The following PLCZ1 variants were observed in gnomAD, a reference collection of about 807,000 sequenced individuals.
PLCZ1 encodes the protein phospholipase C zeta 1.
A neutral mutation model predicts 76.8 loss-of-function variants in PLCZ1; 64 were observed. The ratio of observed to expected loss-of-function variants is 0.83; its 90% CI spans 0.68 to 1.03. The LOEUF (loss-of-function observed/expected upper bound fraction) is 1.03, where lower values mean the gene tolerates loss of function less well. Among genes scored for constraint, PLCZ1 ranks in the 50% least tolerant of loss-of-function variants. PLCZ1 has a pLI of 0.00. For synonymous variants in PLCZ1, 248 were observed against 230.8 expected, an observed-to-expected ratio of 1.07 and a Z score of -0.68; for missense variants, 751 against 713.7, an observed-to-expected ratio of 1.05 and a Z score of -0.60.
chr12:18,664,422 G>T, the PLCZ1 span, among the ~76,000 whole-genome samples: 1 of 152,160 alleles, frequency 6.6e-6, no homozygotes, highest in Non-Finnish European at 1.5e-5. Flanking sequence ...ACATACTGTG[G>T]AATATTGTTC....
chr12:18,654,553 C>T, the PLCZ1 span, among the ~76,000 whole-genome samples: 1 of 152,142 alleles, frequency 6.6e-6, no homozygotes, highest in Non-Finnish European at 1.5e-5. Context: ...TCTGTGTCAA[C>T]TGCAAATGAG....
intron 6 of PLCZ1, among the ~76,000 whole-genome samples, chr12:18,710,364 G>A (rs1023488326): frequency 6.6e-6 from 1 of 151,674 alleles, no homozygotes; most frequent in African/African-American, 2.4e-5. Flanking sequence ...AAGTACAAAG[G>A]CCTTGAGATA....
the PLCZ1 span, among the ~76,000 whole-genome samples, chr12:18,663,660 G>C: frequency 6.6e-6 from 1 of 151,538 alleles, no homozygotes; most frequent in Non-Finnish European, 1.5e-5. Flanking sequence ...AAAAACATAG[G>C]ACAAAAGCTT....
chr12:18,665,048 C>A, the PLCZ1 span, among the ~76,000 whole-genome samples: 1 of 150,032 alleles, frequency 6.7e-6, no homozygotes, highest in Non-Finnish European at 1.5e-5. Flanking sequence ...AGGAAATATA[C>A]CTAATGCTAA....
At chr12:18,645,967 T>C in the PLCZ1 span, among the ~76,000 whole-genome samples, 26,091 of 151,962 alleles carry the variant, frequency 0.17, 2,834 homozygotes, top group African/African-American at 0.3. Context: ...GAACATGATG[T>C]AGGAAGAAAA....
downstream of PLCZ1, among the ~76,000 whole-genome samples, chr12:18,680,197 G>T (rs1260205771): frequency 6.6e-6 from 1 of 151,974 alleles, no homozygotes; most frequent in Non-Finnish European, 1.5e-5. Flanking sequence ...AATGTCCATT[G>T]TTCAATCCCA....
intron 4 of PLCZ1, among the ~76,000 whole-genome samples, chr12:18,722,259 A>G (rs554982658): frequency 6.6e-6 from 1 of 152,102 alleles, no homozygotes; most frequent in South Asian, 2.1e-4. Flanking sequence ...CTCTTAAGAT[A>G]TCCTTTTACA....
At position 18,688,107 on chromosome 12, in the gene PLCZ1, G is replaced by A. The variant is rs764883389; in HGVS notation, c.1573C>T (p.Arg525Cys). ...VPNDQMKQQT[R>C]VIKKNAFSPR... The stretch of plus-strand genomic sequence containing the variant: ...AGCTCACCATTTTTTTTAATTACAC[G>A]AGTCTGCTGCTTCATTTGATCATTT... Residue 525 changes from arginine to cysteine, a missense_variant, in exon 13 of 15, where the codon CGT becomes TGT. By Grantham distance (180) the Arg-to-Cys change is radical. Transcript: ENST00000266505. 15 of 1,610,912 alleles carry A rather than the reference G, an allele frequency of 9.3e-6. No homozygotes were observed. In the Admixed American group the frequency reaches 1.0e-4, roughly 11 times the overall value.
chr12:18,701,633 C>G (rs781538493), intron 8 of PLCZ1, 59 bp downstream of exon 8: 12 of 1,592,290 alleles, frequency 7.5e-6, no homozygotes, highest in African/African-American at 6.7e-5. Flanking sequence ...CCTCCTCCTC[C>G]TCCTCCTCCT....
chr12:18,719,850 T>C (rs1958334983), intron 4 of PLCZ1, among the ~76,000 whole-genome samples: 1 of 152,076 alleles, frequency 6.6e-6, no homozygotes, highest in African/African-American at 2.4e-5. Flanking sequence ...TAATATATTA[T>C]TTAATTATCT....
At chr12:18,729,112 C>A (rs1253149830) in intron 3 of PLCZ1, among the ~76,000 whole-genome samples, 4 of 151,928 alleles carry the variant, frequency 2.6e-5, no homozygotes, top group South Asian at 2.1e-4. Flanking sequence ...GTACCCCTTG[C>A]CTGCAAAAGG....
chr12:18,704,621 C>T (rs78374173), intron 7 of PLCZ1, among the ~76,000 whole-genome samples: 6 of 151,794 alleles, frequency 4.0e-5, no homozygotes, highest in Admixed American at 6.6e-5. Flanking sequence ...GTCACTGCAC[C>T]GGGCCATAGA....
downstream of PLCZ1, among the ~76,000 whole-genome samples, chr12:18,682,091 C>T (rs1952473291): frequency 6.6e-6 from 1 of 151,976 alleles, no homozygotes; most frequent in Non-Finnish European, 1.5e-5. Flanking sequence ...GAAGGGTGTG[C>T]ACTGATCTTA....
chr12:18,689,157 G>A (rs149484125), intron 12 of PLCZ1, among the ~76,000 whole-genome samples: 92 of 152,076 alleles, frequency 6.0e-4, no homozygotes, highest in African/African-American at 2.2e-3. Context: ...AAAGAACAAT[G>A]GCCATAAACA....
At chr12:18,661,246 C>A in the PLCZ1 span, among the ~76,000 whole-genome samples, 1 of 152,008 alleles carries the variant, frequency 6.6e-6, no homozygotes, top group Non-Finnish European at 1.5e-5. Flanking sequence ...AGAAATAGTA[C>A]CCCAAATATT....
intron 12 of PLCZ1, 76 bp from the exon 13 acceptor site, chr12:18,688,294 T>C: frequency 6.8e-7 from 1 of 1,470,622 alleles, no homozygotes. Flanking sequence ...AATTAAGTTA[T>C]GTATTACAAA....
chr12:18,671,503 C>T, the PLCZ1 span, among the ~76,000 whole-genome samples: 3 of 152,064 alleles, frequency 2.0e-5, no homozygotes, highest in African/African-American at 7.2e-5. Context: ...CACTCCAGAG[C>T]TACAGCATTC....
rs146236378 is a variant in PLCZ1, at chr12:18,684,226, A to G, written c.1645T>C (p.Leu549=). 4.4e-4 allele frequency: 716 copies of G among 1,611,288 alleles called. 6 individuals carry two copies. In the East Asian group the frequency reaches 0.015, roughly 35 times the overall value. ...TFTFIIHVPE[L]ALIRFVVEGQ... The stretch of plus-strand genomic sequence containing the variant: ...TCAACAACAAAACGTATCAATGCCA[A>G]TTCTGGGACATGAATAATAAATGTG... The change falls in exon 14 of 15, where the codon TTG becomes CTG. Residue 549 remains leucine, a synonymous_variant. Coordinates refer to ENST00000266505, the MANE Select transcript of PLCZ1 (RefSeq NM_033123.4).
At chr12:18,649,675 CTACTT>C in the PLCZ1 span, among the ~76,000 whole-genome samples, 2 of 152,124 alleles carry the variant, frequency 1.3e-5, no homozygotes, top group Admixed American at 6.6e-5. Flanking sequence ...TTCAATGAAA[CTACTT>C]TAGTCAAAAT....
Sources: gnomAD v4.1 joint callset for allele counts (sites outside exome capture counted in the v4.1 genomes callset) on GRCh38, gnomAD v4.1.1 for gene constraint, MANE v1.5 for transcripts, NCBI Gene and HGNC (gene_info 2026-07-23, HGNC 2026-07-21) for gene names.